The following ZC3H14 variants were observed in gnomAD, a reference collection of about 807,000 sequenced individuals.
ZC3H14 encodes the protein zinc finger CCCH domain-containing protein 14.
Under a neutral mutation model 92.4 loss-of-function variants are expected in ZC3H14, and 31 were observed. That is an observed-to-expected ratio of 0.34 (90% CI 0.25 to 0.45). The LOEUF is 0.45. ZC3H14 is among the 20% of genes least tolerant of loss of function. ZC3H14 has a pLI of 1.00. For missense variants in ZC3H14, 781 were observed against 897.3 expected (o/e 0.87, Z 1.66); for synonymous variants, 321 against 300.9 (o/e 1.07, Z -0.69).
Position 88,572,220 on chromosome 14 carries a change from T to A in ZC3H14, c.426T>A (p.Asn142Lys). ...STSSQESKTT[N>K]VRQTYDDGAA... is the part of the protein sequence containing the mutation. ...GTTCGCAGGAGTCAAAAACCACAAATGTCAGGTAAGAGTCTGGTGTAGACC... is the reference window on the plus strand; with the variant it reads ...GTTCGCAGGAGTCAAAAACCACAAAAGTCAGGTAAGAGTCTGGTGTAGACC... The change falls in exon 5 of 17, where the codon AAT (asparagine) becomes AAA (lysine). Residue 142 changes from asparagine (N) to lysine (K), a missense_variant. Transcript: ENST00000251038. The A allele has an allele frequency of 6.2e-7, 1 of 1,614,112 alleles. No individual in the cohort carries two copies. Among genetic ancestry groups the A allele is most frequent in the Non-Finnish European group, 8.5e-7 (1 of 1,180,000 alleles).
At chr14:88,593,907 GACA>G (rs1184532092) in intron 9 of ZC3H14, among the ~76,000 whole-genome samples, 2 of 143,564 alleles carry the variant, frequency 1.4e-5, no homozygotes, top group African/African-American at 2.5e-5. Flanking sequence ...AAAAAAAAAA[GACA>G]ACAAAATGGG....
intron 4 of ZC3H14, among the ~76,000 whole-genome samples, chr14:88,571,451 C>A (rs2080380730): frequency 6.6e-6 from 1 of 151,866 alleles, no homozygotes; most frequent in South Asian, 2.1e-4. Flanking sequence ...TGTTGTATTA[C>A]CATGTGTGGA....
intron 10 of ZC3H14, among the ~76,000 whole-genome samples, chr14:88,600,661 A>G (rs1431431449): frequency 1.3e-5 from 2 of 152,070 alleles, no homozygotes; most frequent in African/African-American, 2.4e-5. Flanking sequence ...TATGTTGCCT[A>G]GGCCGGTCTC....
rs192200214 is a variant in ZC3H14 at position 88,621,969 on chromosome 14, C to T, written c.*10218C>T. The T allele has an allele frequency of 2.3e-6, 1 of 437,664 alleles. No individual in the cohort carries two copies. The highest frequency in any genetic ancestry group is 7.0e-5 in the East Asian group (1 of 14,284). 27.1% of individuals were successfully genotyped at this position (437,664 alleles called of 1,614,324 possible). On this transcript the variant is annotated 3_prime_UTR_variant, in exon 17 of 17. Coordinates refer to ENST00000251038, the MANE Select transcript of ZC3H14 (RefSeq NM_024824.5). ...CCTACAGTACTACAGAATACTAAAA[C>T]ATACTATTCCTATCTGGCTGTGTAA...
intron 8 of ZC3H14, 88 bp from the exon 9 acceptor site, chr14:88,577,897 G>A (rs954922549): frequency 9.1e-6 from 14 of 1,541,108 alleles, no homozygotes; most frequent in Middle Eastern, 1.7e-4. Context: ...ACCAAAGGAG[G>A]CATTTATATT....
At chr14:88,563,825 C>T (rs2079206049) in intron 2 of ZC3H14, 132 bp downstream of exon 2, 6 of 866,160 alleles carry the variant, frequency 6.9e-6, no homozygotes, top group Middle Eastern at 2.2e-4. Flanking sequence ...AAATCTTATA[C>T]TCCCTGGTTA....
intron 8 of ZC3H14, among the ~76,000 whole-genome samples, chr14:88,577,240 C>T (rs1313279469): frequency 6.6e-6 from 1 of 152,172 alleles, no homozygotes; most frequent in African/African-American, 2.4e-5. Context: ...GATATATCTA[C>T]ATTTCATTTC....
chr14:88,602,156 T>G lies in ZC3H14; in HGVS notation c.1514+73T>G, dbSNP rs1450530869. 36 of 1,599,830 alleles carry G rather than the reference T, an allele frequency of 2.3e-5. No individual in the cohort carries two copies. The Admixed American group carries it at 5.7e-4, about 25-fold the overall frequency. On this transcript the variant is annotated intron_variant, in intron 11 of 16. Coordinates refer to ENST00000251038, the MANE Select transcript of ZC3H14 (RefSeq NM_024824.5). ...TAAAGGTTAACCATTCGTTTGCAGC[T>G]TCCCTCCTCCCCGCCCTAACCGCTA...
chr14:88,575,949 A>C lies in ZC3H14; in HGVS notation c.1123+9A>C, dbSNP rs771920560. On this transcript the variant is annotated intron_variant, in intron 8 of 16. Coordinates refer to ENST00000251038, the MANE Select transcript of ZC3H14 (RefSeq NM_024824.5). ...AACTAACTACTCTACAGGTAATTTA[A>C]ATGTATTATGTTTACACTTGGTAAG... 2 of 1,587,316 alleles carry C rather than the reference A, an allele frequency of 1.3e-6. No individual in the cohort carries two copies. Among genetic ancestry groups the C allele is most frequent in the East Asian group, 2.2e-5 (1 of 44,682 alleles).
chr14:88,578,819 C>A (rs1157575222), intron 9 of ZC3H14, among the ~76,000 whole-genome samples: 2 of 104,942 alleles, frequency 1.9e-5, no homozygotes, highest in Non-Finnish European at 3.7e-5. Context: ...TTTTTCTCAG[C>A]TTTCTCCCCC....
chr14:88,597,814 G>C (rs563155504), intron 10 of ZC3H14, among the ~76,000 whole-genome samples: 51 of 152,280 alleles, frequency 3.3e-4, no homozygotes, highest in African/African-American at 1.2e-3. Context: ...CACTTCATCA[G>C]CTCTTGTGCA....
At chr14:88,586,159 C>T (rs2082453084) in intron 9 of ZC3H14, among the ~76,000 whole-genome samples, 1 of 152,168 alleles carries the variant, frequency 6.6e-6, no homozygotes, top group Admixed American at 6.5e-5. Flanking sequence ...CAAAGCGACA[C>T]TCCTTATCAA....
chr14:88,607,464 C>G, intron 13 of ZC3H14, 101 bp downstream of exon 13: 1 of 1,446,558 alleles, frequency 6.9e-7, no homozygotes, highest in Non-Finnish European at 9.5e-7. Flanking sequence ...ACCATCCCAT[C>G]TCACCCAGCA....
At position 88,625,290 on chromosome 14, in the gene ZC3H14, G is replaced by A. The variant is rs1427430183; in HGVS notation, c.*13539G>A. The A allele has an allele frequency of 2.8e-5, 20 of 722,084 alleles. No homozygotes were observed. Among genetic ancestry groups the A allele is most frequent in the Non-Finnish European group, 4.1e-5 (19 of 463,896 alleles). 44.7% of individuals were successfully genotyped at this position (722,084 alleles called of 1,614,324 possible). ...AATTCACGAGTCAGGAAACCTGAACGGGAGGCTTAGCTTTGTCAGGACCTT... is the reference window on the plus strand; with the variant it reads ...AATTCACGAGTCAGGAAACCTGAACAGGAGGCTTAGCTTTGTCAGGACCTT... On this transcript the variant is annotated 3_prime_UTR_variant, in exon 17 of 17. Coordinates refer to ENST00000251038, the MANE Select transcript of ZC3H14 (RefSeq NM_024824.5).
At chr14:88,585,440 G>C (rs182120662) in intron 9 of ZC3H14, among the ~76,000 whole-genome samples, 1 of 149,724 alleles carries the variant, frequency 6.7e-6, no homozygotes, top group African/African-American at 2.5e-5. Flanking sequence ...GTAGTAGCGC[G>C]ATCTCGGCTC....
At chr14:88,604,896 T>C (rs1341840357) in intron 12 of ZC3H14, among the ~76,000 whole-genome samples, 1 of 152,158 alleles carries the variant, frequency 6.6e-6, no homozygotes, top group Non-Finnish European at 1.5e-5. Context: ...GCCTGGCCTA[T>C]AGCTTTCAAT....
chr14:88,616,213 C>T lies in ZC3H14; in HGVS notation c.*4462C>T, dbSNP rs758139758. ...TAAATCGAATATTTGTCACATGGGG[C>T]GAATGACCCAAGAACCTTTTGTGTT... On this transcript the variant is annotated 3_prime_UTR_variant, in exon 17 of 17. Coordinates refer to ENST00000251038, the MANE Select transcript of ZC3H14 (RefSeq NM_024824.5). The T allele has an allele frequency of 2.3e-5, 37 of 1,613,684 alleles. No individual in the cohort carries two copies. Among genetic ancestry groups the T allele is most frequent in the Admixed American group, 1.2e-4 (7 of 59,994 alleles).
rs2087263905 is a variant in ZC3H14 at position 88,614,273 on chromosome 14, A to G, written c.*2522A>G. 6.6e-6 allele frequency: 1 copy of G among 152,196 alleles called. No individual in the cohort carries two copies. Among genetic ancestry groups the G allele is most frequent in the Admixed American group, 6.5e-5 (1 of 15,278 alleles). 9.4% of individuals were successfully genotyped at this position (152,196 alleles called of 1,614,324 possible). ...TAGAAACTTAATAGTCATGTATTTC[A>G]AAATTTGGCTTAATTTAGGAGAATC... On this transcript the variant is annotated 3_prime_UTR_variant, in exon 17 of 17. Coordinates refer to ENST00000251038, the MANE Select transcript of ZC3H14 (RefSeq NM_024824.5).
At position 88,611,839 on chromosome 14, in the gene ZC3H14, GA is replaced by G; in HGVS notation, c.*91del. 1 of 1,557,086 alleles carries G rather than the reference GA, an allele frequency of 6.4e-7. No individual in the cohort carries two copies. Among genetic ancestry groups the G allele is most frequent in the South Asian group, 1.1e-5 (1 of 87,716 alleles). ...ACTCTACAGAACTTGTCAAATCTTT[GA>G]AACTTGGAATATATTGCTTTCATAA... On this transcript the variant is annotated 3_prime_UTR_variant, in exon 17 of 17. Coordinates refer to ENST00000251038, the MANE Select transcript of ZC3H14 (RefSeq NM_024824.5).
Sources: allele counts gnomAD v4.1 joint callset (sites outside exome capture counted in the v4.1 genomes callset), GRCh38; gene constraint gnomAD v4.1.1; transcripts MANE v1.5; gene names NCBI Gene and HGNC (gene_info 2026-07-23, HGNC 2026-07-21).